The following SYT1 variants were observed in gnomAD, a reference collection of about 807,000 sequenced individuals.
The protein encoded by SYT1 is synaptotagmin-1.
In SYT1, 8 loss-of-function variants were observed where a neutral mutation model predicts 44.8. The observed-to-expected ratio is 0.18, with a 90% CI of 0.10 to 0.32. The LOEUF is 0.32. Among genes scored for constraint, SYT1 ranks in the 10% least tolerant of loss-of-function variants. The pLI is 1.00. For missense variants in SYT1, 286 were observed against 509.3 expected, an observed-to-expected ratio of 0.56 and a Z score of 4.22; for synonymous variants, 154 against 188.8, an observed-to-expected ratio of 0.82 and a Z score of 1.51.
intron 2 of SYT1, among the ~76,000 whole-genome samples, chr12:79,014,011 A>AG (rs113542155): frequency 0.2 from 30,783 of 150,756 alleles, 3,561 homozygotes; most frequent in African/African-American, 0.33. Context: ...CTGTAGTCCC[A>AG]GTACTCGGGA....
intron 4 of SYT1, among the ~76,000 whole-genome samples, chr12:79,267,482 G>A (rs1236224516): frequency 6.6e-6 from 1 of 152,002 alleles, no homozygotes; most frequent in East Asian, 1.9e-4. Flanking sequence ...GTCTTCTAAC[G>A]TAAAAGTTGA....
rs57706449 is a variant in SYT1, at chr12:79,117,662, CATATATATATATATATATATAT to C, written c.-18+70332_-18+70353del. On this transcript the variant is annotated intron_variant, in intron 3 of 10. Coordinates refer to ENST00000261205, the MANE Select transcript of SYT1 (RefSeq NM_005639.3). ...GTGTGTGTGTGTGTGTGTATTACAT[CATATATATATATATATATATAT>C]ATATATATATATATATATATATATA... 7.9e-3 allele frequency among the ~76,000 whole-genome samples: 309 copies of C among 39,310 alleles called. 19 individuals are homozygous for C. Among genetic ancestry groups the C allele is most frequent in the South Asian group, 0.028 (23 of 828 alleles). The allele number at this position is 39,310 out of a possible 152,430, so 25.8% of individuals were successfully genotyped here. A position where few individuals can be genotyped will look rare whatever the true frequency, so the allele number is the denominator to read the frequency against.
chr12:79,330,566 A>C (rs1592972480), intron 8 of SYT1, among the ~76,000 whole-genome samples: 1 of 152,222 alleles, frequency 6.6e-6, no homozygotes, highest in East Asian at 1.9e-4. Flanking sequence ...GTTCATTCAC[A>C]AAATGGAGAT....
chr12:78,977,126 A>AG (rs34971678), intron 1 of SYT1, among the ~76,000 whole-genome samples: 24,338 of 151,942 alleles, frequency 0.16, 2,313 homozygotes, highest in African/African-American at 0.27. Context: ...AAGAAAGGCG[A>AG]AGGAAGGGAA....
At chr12:79,028,145 G>A (rs1872639078) in intron 2 of SYT1, among the ~76,000 whole-genome samples, 1 of 151,424 alleles carries the variant, frequency 6.6e-6, no homozygotes, top group African/African-American at 2.4e-5. Context: ...TTTCTATGGT[G>A]AATGTGTTCA....
chr12:79,008,722 G>T (rs948128661), intron 2 of SYT1, among the ~76,000 whole-genome samples: 1 of 152,076 alleles, frequency 6.6e-6, no homozygotes, highest in Non-Finnish European at 1.5e-5. Flanking sequence ...GGATACGTAA[G>T]GTGCTCCAAA....
intron 4 of SYT1, among the ~76,000 whole-genome samples, chr12:79,277,166 A>G (rs1315952251): frequency 6.6e-6 from 1 of 152,216 alleles, no homozygotes; most frequent in Non-Finnish European, 1.5e-5. Flanking sequence ...TACAAAAAGG[A>G]TATCACCACA....
At chr12:78,973,493 A>G (rs1441336110) in intron 1 of SYT1, among the ~76,000 whole-genome samples, 1 of 152,148 alleles carries the variant, frequency 6.6e-6, no homozygotes, top group Non-Finnish European at 1.5e-5. Flanking sequence ...CAGCAAGCCC[A>G]TTACTGGGTA....
intron 2 of SYT1, among the ~76,000 whole-genome samples, chr12:78,996,253 A>G (rs1028752155): frequency 8.5e-5 from 13 of 152,230 alleles, no homozygotes; most frequent in African/African-American, 2.9e-4. Context: ...AATGAATATA[A>G]TATCCAGCTG....
At chr12:79,122,942 TA>T (rs1868303144) in intron 3 of SYT1, among the ~76,000 whole-genome samples, 1 of 152,192 alleles carries the variant, frequency 6.6e-6, no homozygotes, top group African/African-American at 2.4e-5. Flanking sequence ...CCATCATTTT[TA>T]AAAGCAGTTT....
chr12:78,866,312 C>T (rs966946825), intron 1 of SYT1, among the ~76,000 whole-genome samples: 7 of 152,168 alleles, frequency 4.6e-5, no homozygotes, highest in Non-Finnish European at 1.0e-4. Context: ...AATTTCAGCA[C>T]TCCCTTTAGA....
At position 79,310,200 on chromosome 12, in the gene SYT1, G is replaced by A. The variant is rs867157210; in HGVS notation, c.810+10649G>A. Among the ~76,000 whole-genome samples, 28 of 152,138 alleles carry A rather than the reference G, an allele frequency of 1.8e-4. 1 individual carries two copies. Among genetic ancestry groups the A allele is most frequent in the Middle Eastern group, 3.4e-3 (1 of 294 alleles). ...TCTTGAATTAATTTTTGTATAAGGT[G>A]TAAGGAAGGGATCCAGTTTCAGCTT... On this transcript the variant is annotated intron_variant, in intron 8 of 10. Coordinates refer to ENST00000261205, the MANE Select transcript of SYT1 (RefSeq NM_005639.3).
intron 3 of SYT1, among the ~76,000 whole-genome samples, chr12:79,104,915 T>C (rs1221106577): frequency 1.3e-5 from 2 of 151,936 alleles, no homozygotes; most frequent in South Asian, 2.1e-4. Flanking sequence ...AGGAAATAGA[T>C]TTATTAGAGA....
At chr12:78,989,048 G>C (rs141183735) in intron 2 of SYT1, among the ~76,000 whole-genome samples, 7 of 152,178 alleles carry the variant, frequency 4.6e-5, no homozygotes, top group African/African-American at 7.2e-5. Flanking sequence ...AAATAAGAGA[G>C]AAGGAATCAT....
chr12:78,994,228 T>A (rs1870207277), intron 2 of SYT1, among the ~76,000 whole-genome samples: 1 of 152,240 alleles, frequency 6.6e-6, no homozygotes, highest in South Asian at 2.1e-4. Context: ...TCTTTCTGTG[T>A]CTTGAAACAT....
At chr12:78,930,965 G>A (rs1877600596) in intron 1 of SYT1, among the ~76,000 whole-genome samples, 1 of 151,186 alleles carries the variant, frequency 6.6e-6, no homozygotes, top group South Asian at 2.1e-4. Context: ...GTAGTTGTTG[G>A]AAAATTCTCC....
intron 9 of SYT1, among the ~76,000 whole-genome samples, chr12:79,369,979 G>T (rs1199260588): frequency 6.6e-6 from 1 of 152,138 alleles, no homozygotes; most frequent in East Asian, 1.9e-4. Flanking sequence ...ATTTCTGTGT[G>T]CTATTAATAT....
chr12:79,023,472 T>G (rs1337449706), intron 2 of SYT1, among the ~76,000 whole-genome samples: 3 of 151,786 alleles, frequency 2.0e-5, no homozygotes, highest in Non-Finnish European at 2.9e-5. Context: ...TGTGACTGAC[T>G]CAGCCCTCAA....
At chr12:78,949,970 C>T (rs1249038217) in intron 1 of SYT1, among the ~76,000 whole-genome samples, 1 of 151,930 alleles carries the variant, frequency 6.6e-6, no homozygotes, top group African/African-American at 2.4e-5. Flanking sequence ...AGCAGAATAA[C>T]TTTTTTTCAC....
Sources: gnomAD v4.1 joint callset for allele counts (sites outside exome capture counted in the v4.1 genomes callset) on GRCh38, gnomAD v4.1.1 for gene constraint, MANE v1.5 for transcripts, NCBI Gene and HGNC (gene_info 2026-07-23, HGNC 2026-07-21) for gene names.